Variants in PTPRN2 observed in about 807,000 individuals in gnomAD.
PTPRN2 encodes protein tyrosine phosphatase receptor type N2.
Under a neutral mutation model 118.8 loss-of-function variants are expected in PTPRN2, and 74 were observed. That is an observed-to-expected ratio of 0.62 (90% CI 0.52 to 0.76). The LOEUF (loss-of-function observed/expected upper bound fraction) is 0.76. Ranked by LOEUF, PTPRN2 falls within the 30% of genes least tolerant of loss-of-function variation. The pLI is 0.00. For synonymous variants in PTPRN2, 641 were observed against 608.0 expected (o/e 1.05, Z -0.80); for missense variants, 1,481 against 1,394.4 (o/e 1.06, Z -0.99).
chr7:158,175,120 G>A (rs549540031), intron 5 of PTPRN2, among the ~76,000 whole-genome samples: 102 of 152,272 alleles, frequency 6.7e-4, no homozygotes, highest in African/African-American at 2.2e-3. Context: ...CTCCTGCACC[G>A]AGGATCCAAA....
At chr7:157,650,029 G>A (rs917047392) in intron 14 of PTPRN2, among the ~76,000 whole-genome samples, 2 of 152,028 alleles carry the variant, frequency 1.3e-5, no homozygotes, top group Non-Finnish European at 2.9e-5. Context: ...CGGTGGACGC[G>A]TAAATGGCTC....
chr7:157,556,452 A>G (rs1441896654), intron 21 of PTPRN2, among the ~76,000 whole-genome samples: 1 of 148,006 alleles, frequency 6.8e-6, no homozygotes. Flanking sequence ...CACACATCAC[A>G]CAACACTCAC....
chr7:158,038,254 A>C (rs933251753), intron 11 of PTPRN2, among the ~76,000 whole-genome samples: 2 of 152,226 alleles, frequency 1.3e-5, no homozygotes, highest in African/African-American at 4.8e-5. Context: ...AAGTACACAC[A>C]TGGGGACTGG....
At chr7:157,908,933 C>G (rs1797925534) in intron 11 of PTPRN2, among the ~76,000 whole-genome samples, 1 of 151,962 alleles carries the variant, frequency 6.6e-6, no homozygotes. Flanking sequence ...ATCTTGTACC[C>G]TGTGTGCAAT....
chr7:157,934,876 C>T (rs536331805), intron 11 of PTPRN2, among the ~76,000 whole-genome samples: 18 of 152,308 alleles, frequency 1.2e-4, no homozygotes, highest in African/African-American at 2.2e-4. Context: ...TGGGCTGGCA[C>T]GAAAGCAGGT....
chr7:158,302,780 T>C (rs868179111), intron 3 of PTPRN2, among the ~76,000 whole-genome samples: 2 of 152,340 alleles, frequency 1.3e-5, no homozygotes, highest in Middle Eastern at 3.4e-3. Flanking sequence ...CCTAAGCTCT[T>C]TCAAGTGGTC....
In PTPRN2 at chr7:158,525,707, A is replaced by G. The variant is rs1219806878; in HGVS notation, c.113-35922T>C. Among the ~76,000 whole-genome samples, 4 of 152,066 alleles carry G rather than the reference A, an allele frequency of 2.6e-5. No homozygotes were observed. The highest frequency in any genetic ancestry group is 9.7e-5 in the African/African-American group (4 of 41,392). ...AGTATTTATCTAATGTGCCCTCCTCATTCCCAAGCAGCCCTCGGGGGCAGA... is the reference window on the plus strand; with the variant it reads ...AGTATTTATCTAATGTGCCCTCCTCGTTCCCAAGCAGCCCTCGGGGGCAGA... On this transcript the variant is annotated intron_variant, in intron 1 of 22. Coordinates refer to ENST00000389418, the MANE Select transcript of PTPRN2 (RefSeq NM_002847.5). The surrounding 1 kb of genome is among the most constrained non-coding windows in gnomAD (Gnocchi z 4.1).
intron 2 of PTPRN2, among the ~76,000 whole-genome samples, chr7:158,486,943 C>T (rs1007398863): frequency 1.3e-5 from 2 of 152,210 alleles, no homozygotes; most frequent in African/African-American, 4.8e-5. Context: ...CCAACTGTCC[C>T]CCAGCCCCTG....
chr7:158,310,754 G>A (rs1416417381), intron 3 of PTPRN2, among the ~76,000 whole-genome samples: 2 of 145,794 alleles, frequency 1.4e-5, no homozygotes, highest in African/African-American at 2.6e-5. Flanking sequence ...GCCCTGAGCC[G>A]GACAGAGCGC....
At chr7:157,698,430 T>G (rs1158195027) in intron 12 of PTPRN2, among the ~76,000 whole-genome samples, 1 of 152,240 alleles carries the variant, frequency 6.6e-6, no homozygotes, top group Non-Finnish European at 1.5e-5. Context: ...ATCCCACCAA[T>G]GGCTTGACAT....
At position 157,763,377 on chromosome 7, in the gene PTPRN2, C is replaced by G. The variant is rs1478301521; in HGVS notation, c.1789-80440G>C. ...CCAGCTCTCCAGAGGCCCAAGACAG[C>G]CTGCCCCAGTCACTGTGGCCATGGG... On this transcript the variant is annotated intron_variant, in intron 12 of 22. Transcript: ENST00000389418. The surrounding 1 kb of genome is among the most constrained non-coding windows in gnomAD (Gnocchi z 4.9). Among the ~76,000 whole-genome samples the G allele has an allele frequency of 1.3e-5, 2 of 152,220 alleles. No homozygotes were observed. The highest frequency in any genetic ancestry group is 4.8e-5 in the African/African-American group (2 of 41,468).
At chr7:157,994,250 A>G (rs1804478842) in intron 11 of PTPRN2, among the ~76,000 whole-genome samples, 1 of 152,208 alleles carries the variant, frequency 6.6e-6, no homozygotes. Flanking sequence ...CTGGGTGGCA[A>G]TGGTAACCCG....
intron 14 of PTPRN2, among the ~76,000 whole-genome samples, chr7:157,633,306 G>A (rs556309874): frequency 6.8e-4 from 104 of 152,044 alleles, no homozygotes; most frequent in African/African-American, 2.3e-3. Flanking sequence ...ATACGAAAAC[G>A]AAATTTTTGT....
intron 2 of PTPRN2, among the ~76,000 whole-genome samples, chr7:158,365,948 ACACATG>A (rs1323433544): frequency 7.0e-6 from 1 of 143,258 alleles, no homozygotes; most frequent in African/African-American, 2.6e-5. Context: ...AGCCCAATGC[ACACATG>A]CACATGCACA....
chr7:158,179,716 G>A (rs182931371), intron 5 of PTPRN2, among the ~76,000 whole-genome samples: 137 of 152,234 alleles, frequency 9.0e-4, no homozygotes, highest in Middle Eastern at 3.4e-3. Context: ...GGCCGGGCTG[G>A]GTTACTGAAC....
chr7:157,818,171 G>A (rs1349079668), intron 12 of PTPRN2, among the ~76,000 whole-genome samples: 3 of 151,902 alleles, frequency 2.0e-5, no homozygotes, highest in Non-Finnish European at 4.4e-5. Flanking sequence ...TGGTAGGTGT[G>A]TGGTGTGTGT....
At position 158,320,837 on chromosome 7, in the gene PTPRN2, C is replaced by T. The variant is rs886565774; in HGVS notation, c.164-3905G>A. Among the ~76,000 whole-genome samples the T allele has an allele frequency of 3.0e-4, 46 of 152,134 alleles. No homozygotes were observed. In the South Asian group the frequency reaches 3.1e-3, roughly 10 times the overall value. ...AGCTCCCACAGATCATGCCCAGGTT[C>T]GCTGCTACCTGCTTGATTTTAAGGG... On this transcript the variant is annotated intron_variant, in intron 2 of 22. Transcript: ENST00000389418.
At chr7:158,294,685 G>C (rs889681829) in intron 3 of PTPRN2, among the ~76,000 whole-genome samples, 5 of 152,186 alleles carry the variant, frequency 3.3e-5, no homozygotes, top group Admixed American at 1.3e-4. Context: ...AGAGTGAGAG[G>C]CAGGAAAGAC....
rs555938284 is a variant in PTPRN2 at position 157,927,380 on chromosome 7, C to T, written c.1724-28643G>A. Among the ~76,000 whole-genome samples, 677 of 112,756 alleles carry T rather than the reference C, an allele frequency of 6.0e-3. 27 individuals carry two copies. Among genetic ancestry groups the T allele is most frequent in the African/African-American group, 0.024 (584 of 24,680 alleles). The allele number at this position is 112,756 out of a possible 152,430, so 74.0% of individuals were successfully genotyped here. ...CAGAGACCTCACGTGTGCTGGGACCCTGAAGACAGGAAGCCCCAGGGACCC... is the reference window on the plus strand; with the variant it reads ...CAGAGACCTCACGTGTGCTGGGACCTTGAAGACAGGAAGCCCCAGGGACCC... On this transcript the variant is annotated intron_variant, in intron 11 of 22. Transcript: ENST00000389418.
Sources: gnomAD v4.1 joint callset for allele counts (sites outside exome capture counted in the v4.1 genomes callset) on GRCh38, gnomAD v4.1.1 for gene constraint, Gnocchi (gnomAD v3.1) non-coding constraint, MANE v1.5 for transcripts, NCBI Gene and HGNC (gene_info 2026-07-23, HGNC 2026-07-21) for gene names.